Variants in NRCAM observed in about 807,000 individuals in gnomAD.
NRCAM encodes the protein NgCAM-related cell adhesion molecule.
In NRCAM, 83 loss-of-function variants were observed where a neutral mutation model predicts 156.5. The observed-to-expected ratio is 0.53, with a 90% CI of 0.44 to 0.64. The LOEUF is 0.64. Ranked by LOEUF, NRCAM falls within the 30% of genes least tolerant of loss-of-function variation. The pLI is 0.00. For missense variants in NRCAM, 1,417 were observed against 1,597.3 expected, an observed-to-expected ratio of 0.89 and a Z score of 1.92; for synonymous variants, 538 against 563.9, an observed-to-expected ratio of 0.95 and a Z score of 0.65.
At chr7:108,414,980 C>G (rs1281764779) in intron 1 of NRCAM, among the ~76,000 whole-genome samples, 2 of 151,956 alleles carry the variant, frequency 1.3e-5, no homozygotes, top group Non-Finnish European at 2.9e-5. Flanking sequence ...GCTGTGGAGG[C>G]AAGACAGAGG....
At chr7:108,300,389 A>G (rs895458474) in intron 3 of NRCAM, among the ~76,000 whole-genome samples, 5 of 152,030 alleles carry the variant, frequency 3.3e-5, no homozygotes, top group African/African-American at 9.7e-5. Context: ...ATAAAATGTT[A>G]GAGGATACCA....
Position 108,225,803 on chromosome 7 carries a change from T to C in NRCAM, c.722-102A>G. ...AACATATGCAGCTATCCTGACCGAG[T>C]GCTGTTCCTATCAAGTAAAAACAGT... On this transcript the variant is annotated intron_variant, in intron 9 of 32. Coordinates refer to ENST00000379028, the MANE Select transcript of NRCAM (RefSeq NM_001037132.4). 1.9e-5 allele frequency: 15 copies of C among 785,674 alleles called. 1 individual carries two copies. In the South Asian group the frequency reaches 2.0e-4, roughly 11 times the overall value. 48.7% of individuals were successfully genotyped at this position (785,674 alleles called of 1,614,324 possible).
intron 11 of NRCAM, among the ~76,000 whole-genome samples, chr7:108,213,781 T>G (rs1387086158): frequency 3.3e-5 from 5 of 152,092 alleles, no homozygotes; most frequent in African/African-American, 1.2e-4. Flanking sequence ...CAATTACTAA[T>G]AGTCCTGAGA....
At chr7:108,297,241 A>G (rs2098469344) in intron 3 of NRCAM, among the ~76,000 whole-genome samples, 1 of 152,260 alleles carries the variant, frequency 6.6e-6, no homozygotes, top group Admixed American at 6.5e-5. Context: ...TATTCTCTCA[A>G]AAACAAATGC....
At chr7:108,212,510 A>T (rs1207331634) in intron 11 of NRCAM, among the ~76,000 whole-genome samples, 3 of 152,206 alleles carry the variant, frequency 2.0e-5, no homozygotes, top group Non-Finnish European at 4.4e-5. Context: ...TACAAGAAGC[A>T]AAGGGAGAAA....
intron 2 of NRCAM, among the ~76,000 whole-genome samples, chr7:108,322,937 A>C (rs2099019834): frequency 6.6e-6 from 1 of 152,224 alleles, no homozygotes; most frequent in Admixed American, 6.5e-5. Flanking sequence ...ACATTAAGCA[A>C]ATTACTTCCT....
chr7:108,169,211 A>G (rs1034366409), intron 28 of NRCAM, among the ~76,000 whole-genome samples: 17 of 152,230 alleles, frequency 1.1e-4, no homozygotes, highest in Admixed American at 9.2e-4. Context: ...AGACCAGATG[A>G]TGCTACATGC....
intron 3 of NRCAM, among the ~76,000 whole-genome samples, chr7:108,296,291 T>G (rs1034616035): frequency 3.3e-5 from 5 of 152,184 alleles, no homozygotes; most frequent in African/African-American, 1.2e-4. Context: ...ACACAGGTAC[T>G]GGCCTTTACC....
At chr7:108,173,142 C>T (rs1432668709) in intron 28 of NRCAM, among the ~76,000 whole-genome samples, 8 of 151,890 alleles carry the variant, frequency 5.3e-5, no homozygotes, top group South Asian at 4.2e-4. Context: ...CCCAACAACA[C>T]GCCCAGCTAA....
intron 2 of NRCAM, among the ~76,000 whole-genome samples, chr7:108,370,626 C>T (rs912869928): frequency 2.6e-5 from 4 of 151,954 alleles, no homozygotes; most frequent in Non-Finnish European, 5.9e-5. Flanking sequence ...TCATTGGCCC[C>T]GATTTCCTTA....
chr7:108,320,691 T>C (rs897284598), intron 2 of NRCAM, among the ~76,000 whole-genome samples: 13 of 152,242 alleles, frequency 8.5e-5, no homozygotes, highest in African/African-American at 2.9e-4. Flanking sequence ...ACTTAACTAA[T>C]TGTTGTACAA....
intron 3 of NRCAM, among the ~76,000 whole-genome samples, chr7:108,306,609 T>C (rs947473094): frequency 3.9e-5 from 6 of 152,148 alleles, no homozygotes; most frequent in African/African-American, 1.4e-4. Flanking sequence ...AAGTTACAAA[T>C]TACAAAAACC....
intron 1 of NRCAM, among the ~76,000 whole-genome samples, chr7:108,405,444 T>C (rs1424535724): frequency 2.0e-5 from 3 of 152,212 alleles, no homozygotes; most frequent in African/African-American, 4.8e-5. Flanking sequence ...AACACCTCTT[T>C]GAACCCTCAC....
chr7:108,203,159 T>C (rs1464736629), intron 13 of NRCAM, among the ~76,000 whole-genome samples: 2 of 152,232 alleles, frequency 1.3e-5, no homozygotes, highest in Admixed American at 6.5e-5. Flanking sequence ...CAAGTTCATT[T>C]TCTTTCTGGT....
intron 2 of NRCAM, among the ~76,000 whole-genome samples, chr7:108,357,063 T>C (rs1221633289): frequency 6.6e-6 from 1 of 152,212 alleles, no homozygotes; most frequent in Non-Finnish European, 1.5e-5. Flanking sequence ...ACACAGAATC[T>C]GACAGCACCC....
chr7:108,448,779 C>G (rs2300053), intron 1 of NRCAM, among the ~76,000 whole-genome samples: 1 of 151,876 alleles, frequency 6.6e-6, no homozygotes, highest in Admixed American at 6.6e-5. Flanking sequence ...GGACTCCCAC[C>G]GGGAGCAGAA....
At position 108,237,842 on chromosome 7, in the gene NRCAM, C is replaced by T. The variant is rs113528924; in HGVS notation, c.107-73G>A. ...GAAAATCAGATGTTAATAATAAGAA[C>T]GTTAGAACTCTGAAGATAAAGGGGG... On this transcript the variant is annotated intron_variant, in intron 4 of 32. Coordinates refer to ENST00000379028, the MANE Select transcript of NRCAM (RefSeq NM_001037132.4). The T allele has an allele frequency of 1.2e-3, 1,393 of 1,139,820 alleles. 13 individuals are homozygous for T. The African/African-American group carries it at 0.019, about 16-fold the overall frequency. 70.6% of individuals were successfully genotyped at this position (1,139,820 alleles called of 1,614,324 possible).
Position 108,180,112 on chromosome 7 carries a change from A to C in NRCAM, c.2851+111T>G. The C allele has an allele frequency of 1.4e-5, 12 of 843,406 alleles. No homozygotes were observed. The South Asian group carries it at 1.9e-4, about 13-fold the overall frequency. 52.2% of individuals were successfully genotyped at this position (843,406 alleles called of 1,614,324 possible). On this transcript the variant is annotated intron_variant, in intron 25 of 32. Coordinates refer to ENST00000379028, the MANE Select transcript of NRCAM (RefSeq NM_001037132.4). ...TGCTGTATTCATCTATAGAAATTTC[A>C]ATCACATTTGGCTTCCAGAATATAC...
At chr7:108,375,966 G>C (rs1421064914) in intron 2 of NRCAM, among the ~76,000 whole-genome samples, 1 of 152,202 alleles carries the variant, frequency 6.6e-6, no homozygotes, top group Admixed American at 6.5e-5. Flanking sequence ...ACCTATGATA[G>C]AGGACTAGTT....
Sources: gnomAD v4.1 joint callset for allele counts (sites outside exome capture counted in the v4.1 genomes callset) on GRCh38, gnomAD v4.1.1 for gene constraint, MANE v1.5 for transcripts, NCBI Gene and HGNC (gene_info 2026-07-23, HGNC 2026-07-21) for gene names.